The following ARHGAP24 variants were observed in gnomAD, a reference collection of about 807,000 sequenced individuals.
ARHGAP24 encodes Rho GTPase activating protein 24, also known as rho GTPase-activating protein 24.
A neutral mutation model predicts 76.4 loss-of-function variants in ARHGAP24; 50 were observed. That is an observed-to-expected ratio of 0.65 (90% CI 0.52 to 0.83). ARHGAP24 has a LOEUF of 0.83. Among genes scored for constraint, ARHGAP24 ranks in the 40% least tolerant of loss-of-function variants. ARHGAP24 has a pLI of 0.00. For synonymous variants in ARHGAP24, 345 were observed against 323.3 expected, an observed-to-expected ratio of 1.07 and a Z score of -0.72; for missense variants, 930 against 914.2, an observed-to-expected ratio of 1.02 and a Z score of -0.22.
intron 2 of ARHGAP24, among the ~76,000 whole-genome samples, chr4:85,573,512 C>T (rs939157386): frequency 3.3e-5 from 5 of 152,162 alleles, no homozygotes; most frequent in African/African-American, 1.2e-4. Flanking sequence ...AGGACCAAGG[C>T]ACCATGAGTG....
At chr4:85,624,104 T>A (rs937351037) in intron 2 of ARHGAP24, among the ~76,000 whole-genome samples, 1 of 152,132 alleles carries the variant, frequency 6.6e-6, no homozygotes, top group Non-Finnish European at 1.5e-5. Flanking sequence ...ATTGCCCTGG[T>A]AAGAACTTCC....
At chr4:85,581,646 G>A (rs1341192741) in intron 2 of ARHGAP24, among the ~76,000 whole-genome samples, 2 of 152,068 alleles carry the variant, frequency 1.3e-5, no homozygotes, top group African/African-American at 2.4e-5. Context: ...ATCTTCTCCA[G>A]GGAAGGCAGA....
intron 3 of ARHGAP24, among the ~76,000 whole-genome samples, chr4:85,903,350 C>A (rs577393960): frequency 1.3e-5 from 2 of 152,212 alleles, no homozygotes; most frequent in South Asian, 2.1e-4. Flanking sequence ...TTAGCTATTG[C>A]AATTTAAAGC....
chr4:85,641,277 TG>T (rs1721512298), intron 2 of ARHGAP24, among the ~76,000 whole-genome samples: 1 of 152,140 alleles, frequency 6.6e-6, no homozygotes, highest in African/African-American at 2.4e-5. Context: ...TCCCCTTTTT[TG>T]TACATCATTC....
intron 5 of ARHGAP24, among the ~76,000 whole-genome samples, chr4:85,948,081 T>G (rs768999408): frequency 6.6e-6 from 1 of 152,176 alleles, no homozygotes; most frequent in Admixed American, 6.5e-5. Flanking sequence ...AGGAGCTACA[T>G]CTCTTATTCT....
chr4:85,609,214 C>A (rs887197014), intron 2 of ARHGAP24, among the ~76,000 whole-genome samples: 5 of 152,038 alleles, frequency 3.3e-5, no homozygotes, highest in Admixed American at 6.6e-5. Flanking sequence ...GTAAACTGAA[C>A]AATAGAAATA....
chr4:85,526,420 CT>C (rs370571790), intron 1 of ARHGAP24, among the ~76,000 whole-genome samples: 2 of 148,432 alleles, frequency 1.3e-5, no homozygotes, highest in South Asian at 4.3e-4. Flanking sequence ...AAAGAAACAA[CT>C]TTTTTTTTAC....
At chr4:85,685,692 A>G (rs6823009) in intron 2 of ARHGAP24, among the ~76,000 whole-genome samples, 5,167 of 151,696 alleles carry the variant, frequency 0.034, 282 homozygotes, top group African/African-American at 0.12. Flanking sequence ...ACTTCTGCCT[A>G]TCTCCTGGTC....
intron 3 of ARHGAP24, among the ~76,000 whole-genome samples, chr4:85,797,131 G>A (rs1316499267): frequency 2.0e-5 from 3 of 151,458 alleles, no homozygotes; most frequent in African/African-American, 7.3e-5. Context: ...TAGCATGGTA[G>A]CAGCTGGGAA....
chr4:85,806,781 C>T (rs564174772), intron 3 of ARHGAP24, among the ~76,000 whole-genome samples: 6 of 152,202 alleles, frequency 3.9e-5, no homozygotes, highest in Non-Finnish European at 8.8e-5. Context: ...TAATGTAACT[C>T]GGAAATTAGG....
At chr4:85,721,544 C>G (rs942858823) in intron 2 of ARHGAP24, among the ~76,000 whole-genome samples, 1 of 152,064 alleles carries the variant, frequency 6.6e-6, no homozygotes, top group African/African-American at 2.4e-5. Context: ...GAATATCTAC[C>G]TCATAAGATT....
chr4:85,560,363 A>G (rs973795824), intron 1 of ARHGAP24, among the ~76,000 whole-genome samples: 2 of 152,172 alleles, frequency 1.3e-5, no homozygotes, highest in African/African-American at 4.8e-5. Flanking sequence ...GTAGACAACA[A>G]AAGCTAAATT....
At chr4:85,907,934 C>T (rs1160776423) in intron 3 of ARHGAP24, among the ~76,000 whole-genome samples, 6 of 151,982 alleles carry the variant, frequency 3.9e-5, no homozygotes, top group Non-Finnish European at 8.8e-5. Context: ...CAAAATAAGG[C>T]TCGGAAAAAA....
At chr4:85,635,552 T>A (rs367801847) in intron 2 of ARHGAP24, among the ~76,000 whole-genome samples, 2 of 152,018 alleles carry the variant, frequency 1.3e-5, no homozygotes, top group African/African-American at 4.8e-5. Context: ...TAGATTTTTC[T>A]TAACTTATTC....
At chr4:85,767,081 G>A (rs897442080) in intron 3 of ARHGAP24, among the ~76,000 whole-genome samples, 11 of 152,130 alleles carry the variant, frequency 7.2e-5, no homozygotes, top group Admixed American at 3.3e-4. Context: ...CATAACCCAC[G>A]TGTGTAGTAG....
chr4:85,564,810 C>T (rs1726759730), intron 1 of ARHGAP24, among the ~76,000 whole-genome samples: 1 of 149,290 alleles, frequency 6.7e-6, no homozygotes, highest in South Asian at 2.1e-4. Context: ...CAATAATGCT[C>T]GCTTGCCTAC....
chr4:85,895,040 T>C (rs185381696), intron 3 of ARHGAP24, among the ~76,000 whole-genome samples: 1 of 136,212 alleles, frequency 7.3e-6, no homozygotes, highest in Non-Finnish European at 1.6e-5. Context: ...AAGCAGGATT[T>C]TGGGGACTCA....
chr4:85,716,559 A>G (rs761639890), intron 2 of ARHGAP24, among the ~76,000 whole-genome samples: 7 of 152,116 alleles, frequency 4.6e-5, no homozygotes, highest in Non-Finnish European at 8.8e-5. Context: ...CTGATCATCC[A>G]AAGTTTGCCA....
At chr4:85,556,858 A>G (rs1394954438) in intron 1 of ARHGAP24, among the ~76,000 whole-genome samples, 2 of 152,200 alleles carry the variant, frequency 1.3e-5, no homozygotes, top group African/African-American at 2.4e-5. Flanking sequence ...GCTCTATCCC[A>G]GGAAAGTGTA....
Sources: gnomAD v4.1 joint callset for allele counts (sites outside exome capture counted in the v4.1 genomes callset) on GRCh38, gnomAD v4.1.1 for gene constraint, MANE v1.5 for transcripts, NCBI Gene and HGNC (gene_info 2026-07-23, HGNC 2026-07-21) for gene names.